DLG2: variants seen among roughly 807,000 people sequenced by gnomAD.
The protein encoded by DLG2 is discs large MAGUK scaffold protein 2, also known as disks large homolog 2.
DLG2 carries 45 observed loss-of-function variants against 132.5 expected under a neutral mutation model. The ratio of observed to expected loss-of-function variants is 0.34; its 90% confidence interval spans 0.27 to 0.44. The LOEUF (loss-of-function observed/expected upper bound fraction) is 0.44. Among genes scored for constraint, DLG2 ranks in the 20% least tolerant of loss-of-function variants. The pLI, the probability that DLG2 is intolerant of heterozygous loss-of-function variation, is 1.00. For synonymous variants in DLG2, 424 were observed against 419.6 expected, an observed-to-expected ratio of 1.01 and a Z score of -0.13; for missense variants, 1,045 against 1,196.9, an observed-to-expected ratio of 0.87 and a Z score of 1.87.
intron 3 of DLG2, among the ~76,000 whole-genome samples, chr11:85,407,758 G>C (rs904197382): frequency 6.6e-6 from 1 of 151,798 alleles, no homozygotes; most frequent in Admixed American, 6.6e-5. Flanking sequence ...CCAAGAAGCA[G>C]GGAGATGGAA....
intron 6 of DLG2, among the ~76,000 whole-genome samples, chr11:84,771,060 G>A (rs11512918): frequency 0.26 from 40,059 of 151,942 alleles, 5,773 homozygotes; most frequent in Admixed American, 0.31. Flanking sequence ...TCTTTTCTAT[G>A]TGAATAGTGC....
rs532146006 is a variant in DLG2 at position 83,543,445 on chromosome 11, G to C, written c.1941-1587C>G. ...ACACATATGCAGCATTAAGCCTATA[G>C]TATGTGCAGTCTAGTGTATTACAGT... is the stretch of plus-strand genomic sequence containing the variant. On this transcript the variant is annotated intron_variant, in intron 19 of 27. Transcript: ENST00000376104. Among the ~76,000 whole-genome samples the C allele has an allele frequency of 2.0e-5, 3 of 152,240 alleles. No individual in the cohort carries two copies. The South Asian group carries it at 6.2e-4, about 32-fold the overall frequency.
chr11:84,268,898 C>CT (rs1033915208), intron 7 of DLG2, among the ~76,000 whole-genome samples: 1 of 152,122 alleles, frequency 6.6e-6, no homozygotes, highest in Non-Finnish European at 1.5e-5. Flanking sequence ...TTAACTATCA[C>CT]TTTTTGAACT....
At chr11:84,754,059 G>A (rs1364877756) in intron 6 of DLG2, among the ~76,000 whole-genome samples, 5 of 152,200 alleles carry the variant, frequency 3.3e-5, no homozygotes, top group Admixed American at 1.3e-4. Flanking sequence ...GTGGAGGAAA[G>A]AAGAGGAGGT....
intron 7 of DLG2, among the ~76,000 whole-genome samples, chr11:84,476,820 A>G (rs976888079): frequency 6.6e-6 from 1 of 152,168 alleles, no homozygotes; most frequent in African/African-American, 2.4e-5. Flanking sequence ...ATGAACCAGC[A>G]GATGATTCCA....
At chr11:85,332,520 C>T (rs1463028387) in intron 3 of DLG2, among the ~76,000 whole-genome samples, 1 of 152,084 alleles carries the variant, frequency 6.6e-6, no homozygotes. Flanking sequence ...GAGACTTCAT[C>T]ATGAAATGCC....
chr11:83,751,783 A>G (rs910422800), intron 18 of DLG2, among the ~76,000 whole-genome samples: 1 of 152,224 alleles, frequency 6.6e-6, no homozygotes, highest in Non-Finnish European at 1.5e-5. Flanking sequence ...AATTTTGGAC[A>G]TGCTATGTTT....
intron 7 of DLG2, among the ~76,000 whole-genome samples, chr11:84,439,400 G>A (rs529463169): frequency 2.0e-5 from 3 of 152,248 alleles, no homozygotes; most frequent in African/African-American, 7.2e-5. Context: ...GTCCCAAAAA[G>A]TCAACAGTGG....
chr11:85,356,003 A>G (rs372966733), intron 3 of DLG2, among the ~76,000 whole-genome samples: 8 of 152,336 alleles, frequency 5.3e-5, no homozygotes, highest in African/African-American at 1.7e-4. Flanking sequence ...AAAGGGTAAT[A>G]GCTTTAGCTC....
chr11:83,542,124 T>A (rs1488726846), intron 19 of DLG2, among the ~76,000 whole-genome samples: 1 of 152,136 alleles, frequency 6.6e-6, no homozygotes, highest in African/African-American at 2.4e-5. Flanking sequence ...CCATCAGATG[T>A]TAGAAGGTGA....
At chr11:84,577,859 C>T (rs2099506048) in intron 6 of DLG2, among the ~76,000 whole-genome samples, 1 of 152,194 alleles carries the variant, frequency 6.6e-6, no homozygotes, top group Non-Finnish European at 1.5e-5. Context: ...GGCACCCCCT[C>T]CCATCACAGG....
chr11:83,769,902 C>T (rs980088573), intron 18 of DLG2, among the ~76,000 whole-genome samples: 1 of 152,100 alleles, frequency 6.6e-6, no homozygotes, highest in African/African-American at 2.4e-5. Context: ...GTTCCAGTGG[C>T]AGCTGCCCCA....
At chr11:84,743,226 G>T (rs1375504276) in intron 6 of DLG2, among the ~76,000 whole-genome samples, 1 of 151,952 alleles carries the variant, frequency 6.6e-6, no homozygotes, top group Non-Finnish European at 1.5e-5. Context: ...TAAAGAGAGG[G>T]AACAGTTTAT....
rs12285174 is a variant in DLG2, at chr11:83,965,728, A to G, written c.1057-260T>C. On this transcript the variant is annotated intron_variant, in intron 12 of 27. Transcript: ENST00000376104. ...GAATAGTATTTGTGGGAAGGAAAATAAGGAGTCAAATGCCTTTTTTGTTAT... is the reference window on the plus strand; with the variant it reads ...GAATAGTATTTGTGGGAAGGAAAATGAGGAGTCAAATGCCTTTTTTGTTAT... Among the ~76,000 whole-genome samples the G allele has an allele frequency of 3.6e-3, 551 of 152,108 alleles. 1 individual carries two copies. The highest frequency in any genetic ancestry group is 6.6e-3 in the Non-Finnish European group (445 of 67,878).
At chr11:85,583,704 AAGG>A (rs2078778273) in intron 3 of DLG2, among the ~76,000 whole-genome samples, 1 of 152,162 alleles carries the variant, frequency 6.6e-6, no homozygotes, top group Non-Finnish European at 1.5e-5. Flanking sequence ...TGACAGGATA[AAGG>A]AGAAGCCTAT....
chr11:83,961,181 A>T (rs1247862266), intron 14 of DLG2, among the ~76,000 whole-genome samples: 3 of 152,020 alleles, frequency 2.0e-5, no homozygotes, highest in Non-Finnish European at 2.9e-5. Flanking sequence ...ACAACAACCT[A>T]TTGAGATAGA....
chr11:85,113,415 G>T (rs2073085073), intron 5 of DLG2, among the ~76,000 whole-genome samples: 1 of 151,888 alleles, frequency 6.6e-6, no homozygotes, highest in Admixed American at 6.6e-5. Context: ...GCTCAGCATG[G>T]GATAAAGAAA....
intron 8 of DLG2, among the ~76,000 whole-genome samples, chr11:84,196,327 T>C (rs2154295276): frequency 6.6e-6 from 1 of 152,280 alleles, no homozygotes; most frequent in East Asian, 1.9e-4. Context: ...AAGATTGAAC[T>C]GGACTACCAC....
At chr11:83,862,287 G>A (rs796289233) in intron 16 of DLG2, among the ~76,000 whole-genome samples, 8 of 152,192 alleles carry the variant, frequency 5.3e-5, no homozygotes, top group African/African-American at 1.7e-4. Context: ...CCTGTCATTG[G>A]CAACAACACG....
Sources: gnomAD v4.1 joint callset for allele counts (sites outside exome capture counted in the v4.1 genomes callset) on GRCh38, gnomAD v4.1.1 for gene constraint, MANE v1.5 for transcripts, NCBI Gene and HGNC (gene_info 2026-07-23, HGNC 2026-07-21) for gene names.